MDGA2: variants seen among roughly 807,000 people sequenced by gnomAD.
The protein encoded by MDGA2 is MAM domain-containing glycosylphosphatidylinositol anchor protein 2.
A neutral mutation model predicts 117.8 loss-of-function variants in MDGA2; 40 were observed. The observed-to-expected ratio is 0.34, with a 90% CI of 0.26 to 0.44. MDGA2 has a LOEUF of 0.44. Among genes scored for constraint, MDGA2 ranks in the 20% least tolerant of loss-of-function variants. The pLI is 1.00. For missense variants in MDGA2, 1,123 were observed against 1,250.6 expected, an observed-to-expected ratio of 0.90 and a Z score of 1.54; for synonymous variants, 452 against 439.0, an observed-to-expected ratio of 1.03 and a Z score of -0.37.
chr14:47,495,618 C>T (rs750565066), intron 1 of MDGA2, among the ~76,000 whole-genome samples: 2 of 152,144 alleles, frequency 1.3e-5, no homozygotes, highest in African/African-American at 4.8e-5. Context: ...TCCTCGTAGC[C>T]TCAATTTTCT....
intron 1 of MDGA2, among the ~76,000 whole-genome samples, chr14:47,502,008 T>G (rs982211314): frequency 1.3e-5 from 2 of 151,982 alleles, no homozygotes; most frequent in African/African-American, 4.8e-5. Flanking sequence ...AGCAAAAAAG[T>G]GAAAGAGAAG....
chr14:47,648,644 A>G (rs989650697), intron 1 of MDGA2, among the ~76,000 whole-genome samples: 1 of 148,742 alleles, frequency 6.7e-6, no homozygotes, highest in Non-Finnish European at 1.5e-5. Flanking sequence ...AGAAAGATCT[A>G]TGGCAGACAG....
At chr14:47,110,811 T>C (rs968680128) in intron 5 of MDGA2, among the ~76,000 whole-genome samples, 1 of 152,192 alleles carries the variant, frequency 6.6e-6, no homozygotes, top group East Asian at 1.9e-4. Context: ...CTATGATATA[T>C]CTATGTTTGG....
chr14:47,568,044 T>G (rs1285853811), intron 1 of MDGA2, among the ~76,000 whole-genome samples: 1 of 152,128 alleles, frequency 6.6e-6, no homozygotes, highest in African/African-American at 2.4e-5. Flanking sequence ...TTCCTTCTTT[T>G]CTTCATTAGT....
intron 1 of MDGA2, among the ~76,000 whole-genome samples, chr14:47,562,619 T>A (rs1895838326): frequency 6.6e-6 from 1 of 152,220 alleles, no homozygotes; most frequent in Non-Finnish European, 1.5e-5. Context: ...TTTAGTTGAA[T>A]CTTTTTTCCT....
At chr14:47,156,012 G>A (rs757754975) in intron 3 of MDGA2, among the ~76,000 whole-genome samples, 1 of 143,320 alleles carries the variant, frequency 7.0e-6, no homozygotes, top group East Asian at 2.3e-4. Context: ...CAGGTTAAGC[G>A]ATTCTCATGC....
intron 8 of MDGA2, among the ~76,000 whole-genome samples, chr14:46,989,775 C>G (rs1021881529): frequency 2.6e-5 from 4 of 152,040 alleles, no homozygotes; most frequent in Non-Finnish European, 5.9e-5. Flanking sequence ...GCAGAGGAGA[C>G]AGCTGGCAGG....
intron 1 of MDGA2, among the ~76,000 whole-genome samples, chr14:47,458,338 T>C (rs1229063628): frequency 6.6e-6 from 1 of 152,172 alleles, no homozygotes; most frequent in African/African-American, 2.4e-5. Context: ...TGCCATCATA[T>C]GCAAAAAATC....
intron 1 of MDGA2, among the ~76,000 whole-genome samples, chr14:47,510,599 T>C (rs549943333): frequency 4.6e-5 from 7 of 152,314 alleles, no homozygotes; most frequent in African/African-American, 1.7e-4. Context: ...CATGTTGCTG[T>C]TTTTAGTTAT....
chr14:47,092,024 T>A (rs11623394), intron 6 of MDGA2, among the ~76,000 whole-genome samples: 1 of 152,100 alleles, frequency 6.6e-6, no homozygotes, highest in African/African-American at 2.4e-5. Context: ...TAATTACATG[T>A]ATGGGTATAT....
chr14:46,954,299 GTTCTA>G (rs1302420187), intron 9 of MDGA2, among the ~76,000 whole-genome samples: 1 of 151,920 alleles, frequency 6.6e-6, no homozygotes, highest in Non-Finnish European at 1.5e-5. Flanking sequence ...TGACAAAACT[GTTCTA>G]TTCATCTCGT....
chr14:46,960,439 T>TTTA (rs1885750143), intron 8 of MDGA2: 1 of 146,260 alleles, frequency 6.8e-6, no homozygotes, highest in Non-Finnish European at 1.5e-5. Context: ...TATTTTAGTT[T>TTTA]GTGGGCTGGG....
chr14:47,653,470 G>A (rs904014885), intron 1 of MDGA2, among the ~76,000 whole-genome samples: 4 of 152,076 alleles, frequency 2.6e-5, no homozygotes, highest in African/African-American at 9.7e-5. Flanking sequence ...GTTATCTCTG[G>A]AGGCTACCCA....
At chr14:47,590,754 T>C (rs1896422083) in intron 1 of MDGA2, among the ~76,000 whole-genome samples, 2 of 151,984 alleles carry the variant, frequency 1.3e-5, no homozygotes, top group South Asian at 4.1e-4. Context: ...AAATATCTCA[T>C]GTACCCCATA....
chr14:47,184,151 T>C (rs374815374), intron 3 of MDGA2, among the ~76,000 whole-genome samples: 1 of 152,004 alleles, frequency 6.6e-6, no homozygotes, highest in Non-Finnish European at 1.5e-5. Context: ...ACATTTATTT[T>C]CTTAAGTTTT....
At chr14:46,965,053 A>C (rs1008445083) in intron 8 of MDGA2, among the ~76,000 whole-genome samples, 5 of 137,624 alleles carry the variant, frequency 3.6e-5, no homozygotes, top group African/African-American at 1.5e-4. Context: ...CCTCCCGAGC[A>C]GCTGGGACTA....
chr14:46,868,949 C>G (rs951253220), intron 14 of MDGA2, among the ~76,000 whole-genome samples: 42 of 152,056 alleles, frequency 2.8e-4, no homozygotes, highest in Middle Eastern at 3.4e-3. Flanking sequence ...TTTTTTACCG[C>G]TTTAGTGGAA....
intron 8 of MDGA2, among the ~76,000 whole-genome samples, chr14:46,975,167 A>G (rs1004090979): frequency 1.4e-4 from 22 of 152,108 alleles, no homozygotes. Context: ...CCATTAGAAG[A>G]GCTACTACTT....
chr14:47,396,954 C>T (rs1295276096), intron 1 of MDGA2, among the ~76,000 whole-genome samples: 4 of 152,144 alleles, frequency 2.6e-5, no homozygotes, highest in East Asian at 3.9e-4. Context: ...ACCAGAAATA[C>T]CATTTAACCC....
Sources: gnomAD v4.1 joint callset for allele counts (sites outside exome capture counted in the v4.1 genomes callset) on GRCh38, gnomAD v4.1.1 for gene constraint, MANE v1.5 for transcripts, NCBI Gene and HGNC (gene_info 2026-07-23, HGNC 2026-07-21) for gene names.